Variants in GTF2A1L observed in about 807,000 individuals in gnomAD.
GTF2A1L encodes general transcription factor IIA subunit 1 like.
In GTF2A1L, 48 loss-of-function variants were observed where a neutral mutation model predicts 49.7. The observed-to-expected ratio is 0.97, with a 90% CI of 0.77 to 1.23. The LOEUF is 1.23. Among genes scored for constraint, GTF2A1L ranks in the 50% most tolerant of loss-of-function variants. The pLI is 0.00. For missense variants in GTF2A1L, 736 were observed against 564.8 expected, an observed-to-expected ratio of 1.30 and a Z score of -3.07; for synonymous variants, 246 against 193.5, an observed-to-expected ratio of 1.27 and a Z score of -2.25.
intron 6 of GTF2A1L, among the ~76,000 whole-genome samples, chr2:48,660,189 C>T (rs1231928138): frequency 2.0e-5 from 3 of 151,988 alleles, no homozygotes; most frequent in African/African-American, 7.2e-5. Context: ...ATCTATTTGC[C>T]AGTATTTTGT....
chr2:48,647,679 C>A (rs1015570164), intron 6 of GTF2A1L, among the ~76,000 whole-genome samples: 3 of 151,834 alleles, frequency 2.0e-5, no homozygotes, highest in Non-Finnish European at 4.4e-5. Context: ...TTGTTTCTCC[C>A]TGCCTACTAA....
Position 48,646,865 on chromosome 2 carries a change from A to C in GTF2A1L, c.801A>C (p.Ser267=), listed in dbSNP as rs1184595918. The change falls in exon 6 of 9, where the codon TCA becomes TCC. Residue 267 remains serine (S), a synonymous_variant. Coordinates refer to ENST00000403751, the MANE Select transcript of GTF2A1L (RefSeq NM_006872.5). ...NSNVESVLSG[S]ASMAQNLHDE... ...ATGTGGAGTCAGTGCTCAGTGGTTC[A>C]GCTAGCATGGCTCAAAATCTGCATG... 1 of 1,614,200 alleles carries C rather than the reference A, an allele frequency of 6.2e-7. No individual in the cohort carries two copies. The highest frequency in any genetic ancestry group is 1.1e-5 in the South Asian group (1 of 91,088).
Position 48,644,959 on chromosome 2 carries a change from C to T in GTF2A1L, c.304-74C>T, listed in dbSNP as rs1457499434. 5.1e-6 allele frequency: 7 copies of T among 1,371,216 alleles called. No individual in the cohort carries two copies. In the African/African-American group the frequency reaches 7.5e-5, roughly 15 times the overall value. The allele number at this position is 1,371,216 out of a possible 1,614,324, so 84.9% of individuals were successfully genotyped here. On this transcript the variant is annotated intron_variant, in intron 4 of 8. Transcript: ENST00000403751. ...TGTCCAGAATCAGATTTTTTGACTCCCTGTGAGATCAGGGAAAAAAAGATA... is the reference window on the plus strand; with the variant it reads ...TGTCCAGAATCAGATTTTTTGACTCTCTGTGAGATCAGGGAAAAAAAGATA...
At chr2:48,661,408 C>T (rs1678494048) in intron 6 of GTF2A1L, among the ~76,000 whole-genome samples, 2 of 151,668 alleles carry the variant, frequency 1.3e-5, no homozygotes, top group Admixed American at 6.6e-5. Context: ...TGCCCACCAC[C>T]ACTCCTGGCT....
intron 6 of GTF2A1L, among the ~76,000 whole-genome samples, chr2:48,660,255 T>A (rs1678413851): frequency 6.6e-6 from 1 of 152,194 alleles, no homozygotes; most frequent in African/African-American, 2.4e-5. Flanking sequence ...TTTTATGTTT[T>A]GTCTTTGTCT....
At chr2:48,662,173 C>A (rs1323354960) in intron 6 of GTF2A1L, among the ~76,000 whole-genome samples, 1 of 152,192 alleles carries the variant, frequency 6.6e-6, no homozygotes, top group Admixed American at 6.5e-5. Context: ...CAACTTTGCC[C>A]TCCCCTACTT....
chr2:48,656,126 A>G (rs35518129), intron 6 of GTF2A1L, among the ~76,000 whole-genome samples: 21,161 of 152,134 alleles, frequency 0.14, 1,732 homozygotes, highest in African/African-American at 0.23. Flanking sequence ...TATTGTGAAT[A>G]ATGCTGCTGT....
chr2:48,673,636 G>A (rs919218271), intron 8 of GTF2A1L, among the ~76,000 whole-genome samples: 1 of 152,124 alleles, frequency 6.6e-6, no homozygotes, highest in African/African-American at 2.4e-5. Context: ...ATAGGTGTGA[G>A]CCACTGCACC....
chr2:48,670,124 G>C (rs1263977456), intron 7 of GTF2A1L, 142 bp downstream of exon 7: 17 of 1,262,826 alleles, frequency 1.3e-5, no homozygotes, highest in Non-Finnish European at 1.7e-5. Flanking sequence ...CGGGCACGGT[G>C]GCTCACACAT....
rs369257608 is a variant in GTF2A1L at position 48,667,594 on chromosome 2, C to T, written c.979-2128C>T. 5.3e-5 allele frequency among the ~76,000 whole-genome samples: 8 copies of T among 152,244 alleles called. No homozygotes were observed. In the East Asian group the frequency reaches 1.3e-3, roughly 26 times the overall value. On this transcript the variant is annotated intron_variant, in intron 6 of 8. Coordinates refer to ENST00000403751, the MANE Select transcript of GTF2A1L (RefSeq NM_006872.5). Reference sequence around the variant, plus strand: ...TTGGACTTATTTTCATTTTTGAGCACATAGCCATTAATTTTTGCATACATG... The same window carrying T: ...TTGGACTTATTTTCATTTTTGAGCATATAGCCATTAATTTTTGCATACATG...
At chr2:48,642,029 T>C (rs1370421993) in intron 3 of GTF2A1L, among the ~76,000 whole-genome samples, 1 of 152,198 alleles carries the variant, frequency 6.6e-6, no homozygotes, top group Non-Finnish European at 1.5e-5. Context: ...TGGGTTTATG[T>C]TGGGTTAACA....
intron 4 of GTF2A1L, 39 bp from the exon 5 acceptor site, chr2:48,644,994 T>A: frequency 6.4e-7 from 1 of 1,565,190 alleles, no homozygotes; most frequent in South Asian, 1.2e-5. Context: ...ACAAGTAAAG[T>A]CCTTTTCTAA....
intron 8 of GTF2A1L, among the ~76,000 whole-genome samples, chr2:48,675,075 C>A (rs1679392275): frequency 6.6e-6 from 1 of 152,098 alleles, no homozygotes; most frequent in Non-Finnish European, 1.5e-5. Context: ...GTGCTGGTCA[C>A]TGGTTGATTT....
In GTF2A1L at chr2:48,646,818, C is replaced by G; in HGVS notation, c.754C>G (p.Gln252Glu). Residue 252 changes from glutamine (Q) to glutamate (E), a missense_variant, in exon 6 of 9, where the codon CAG (glutamine) becomes GAG (glutamate). Transcript: ENST00000403751. ...TCTTCCAGGTGTTGTATTTTCTCCACAGGTCTCTCAAACAAATTCTAATGT... is the reference window on the plus strand; with the variant it reads ...TCTTCCAGGTGTTGTATTTTCTCCAGAGGTCTCTCAAACAAATTCTAATGT... ...ISLPGVVFSPQVSQTNSNVES... is the reference protein window; with the variant it reads ...ISLPGVVFSPEVSQTNSNVES... The G allele has an allele frequency of 1.9e-6, 3 of 1,614,174 alleles. No homozygotes were observed. The highest frequency in any genetic ancestry group is 8.5e-7 in the Non-Finnish European group (1 of 1,180,016).
Position 48,646,468 on chromosome 2 carries a change from T to G in GTF2A1L, c.404T>G (p.Val135Gly), listed in dbSNP as rs1408298704. 2 of 1,607,862 alleles carry G rather than the reference T, an allele frequency of 1.2e-6. No homozygotes were observed. The highest frequency in any genetic ancestry group is 1.7e-6 in the Non-Finnish European group (2 of 1,178,112). The change falls in exon 6 of 9, where the codon GTC (valine) becomes GGC (glycine). Residue 135 changes from valine to glycine, a missense_variant. Physicochemically the swap from Val to Gly is moderately radical, Grantham distance 109 (BLOSUM62 -3). Transcript: ENST00000403751. ...CCTTTTTAAGGTCACCTTTATAAAG[T>G]CAATGTACCAATTATGGTGACAGAG... is the stretch of plus-strand genomic sequence containing the variant. ...LQTVSGHLYKVNVPIMVTETS... is the reference protein window; with the variant it reads ...LQTVSGHLYKGNVPIMVTETS...
intron 3 of GTF2A1L, among the ~76,000 whole-genome samples, chr2:48,639,342 C>G (rs114235723): frequency 0.013 from 1,970 of 152,010 alleles, 49 homozygotes; most frequent in African/African-American, 0.045. Flanking sequence ...GGTACTGGTA[C>G]AAACAGACCC....
At position 48,629,884 on chromosome 2, in the gene GTF2A1L, C is replaced by T. The variant is rs187834358; in HGVS notation, c.247+8594C>T. ...TTTATTGACTAGGGAGTCCTTTCCC[C>T]GTTGCTTATTTTTGTCGACTTTGTC... On this transcript the variant is annotated intron_variant, in intron 3 of 8. Transcript: ENST00000403751. Among the ~76,000 whole-genome samples the T allele has an allele frequency of 3.1e-4, 45 of 144,280 alleles. 8 individuals are homozygous for T. In the South Asian group the frequency reaches 4.9e-3, roughly 16 times the overall value. 94.7% of individuals were successfully genotyped at this position (144,280 alleles called of 152,430 possible).
At chr2:48,661,187 T>C (rs754573637) in intron 6 of GTF2A1L, among the ~76,000 whole-genome samples, 9 of 151,670 alleles carry the variant, frequency 5.9e-5, no homozygotes, top group Non-Finnish European at 1.0e-4. Flanking sequence ...TTGAGATTGC[T>C]CTTTTAAAAT....
At chr2:48,678,398 A>G (rs1679588416) in intron 8 of GTF2A1L, among the ~76,000 whole-genome samples, 1 of 152,034 alleles carries the variant, frequency 6.6e-6, no homozygotes, top group African/African-American at 2.4e-5. Flanking sequence ...ACCCCCCCAC[A>G]AAAATAGGGG....
Sources: gnomAD v4.1 joint callset for allele counts (sites outside exome capture counted in the v4.1 genomes callset) on GRCh38, gnomAD v4.1.1 for gene constraint, MANE v1.5 for transcripts, NCBI Gene and HGNC (gene_info 2026-07-23, HGNC 2026-07-21) for gene names.